Variants in BANP observed in about 807,000 individuals in gnomAD.
The protein encoded by BANP is protein BANP.
A neutral mutation model predicts 68.1 loss-of-function variants in BANP; 11 were observed. The ratio of observed to expected loss-of-function variants is 0.16; its 90% CI spans 0.10 to 0.27. BANP has a LOEUF of 0.27. Among genes scored for constraint, BANP ranks in the 10% least tolerant of loss-of-function variants. BANP has a pLI of 1.00. For synonymous variants in BANP, 329 were observed against 303.2 expected, an observed-to-expected ratio of 1.09 and a Z score of -0.88; for missense variants, 504 against 722.7, an observed-to-expected ratio of 0.70 and a Z score of 3.47.
chr16:87,961,659 A>G (rs1597769019), intron 1 of BANP, among the ~76,000 whole-genome samples: 3 of 152,196 alleles, frequency 2.0e-5, no homozygotes, highest in South Asian at 2.1e-4. Flanking sequence ...TTCATAAAAC[A>G]TGTTTTGTAT....
chr16:88,032,863 T>G (rs1195395964), intron 8 of BANP, among the ~76,000 whole-genome samples: 1 of 152,126 alleles, frequency 6.6e-6, no homozygotes, highest in Non-Finnish European at 1.5e-5. Context: ...TAGAAGGGGT[T>G]TTGTCATAGC....
At chr16:88,065,123 T>C in intron 11 of BANP, 144 bp from the exon 12 acceptor site, 3 of 524,088 alleles carry the variant, frequency 5.7e-6, no homozygotes, top group Non-Finnish European at 1.0e-5. Flanking sequence ...TGGAGGCTCC[T>C]GTGGCTGCCA....
At chr16:88,069,313 C>G (rs892684664) in intron 12 of BANP, among the ~76,000 whole-genome samples, 5 of 152,130 alleles carry the variant, frequency 3.3e-5, no homozygotes, top group African/African-American at 1.2e-4. Flanking sequence ...TTTCTTTTTT[C>G]TTTTCCACTG....
At position 87,989,437 on chromosome 16, in the gene BANP, G is replaced by A. The variant is rs375454539; in HGVS notation, c.362+5178G>A. ...GGATCCAGGGCACGCACATGCTCAC[G>A]TTTATATAGGTAAATGTTAACATCC... On this transcript the variant is annotated intron_variant, in intron 4 of 13. Transcript: ENST00000682872. Among the ~76,000 whole-genome samples the A allele has an allele frequency of 7.2e-5, 11 of 152,246 alleles. No individual in the cohort carries two copies. In the East Asian group the frequency reaches 9.6e-4, roughly 13 times the overall value.
At chr16:87,966,202 G>C (rs776762030) in intron 1 of BANP, among the ~76,000 whole-genome samples, 1 of 152,146 alleles carries the variant, frequency 6.6e-6, no homozygotes, top group Non-Finnish European at 1.5e-5. Context: ...GGATGGGCGT[G>C]GATTCTTCAC....
intron 6 of BANP, among the ~76,000 whole-genome samples, chr16:88,010,769 C>T (rs542602543): frequency 1.3e-3 from 199 of 152,380 alleles, no homozygotes; most frequent in Non-Finnish European, 1.9e-3. Flanking sequence ...CGTGTAGCCA[C>T]GCTATGCTGT....
At chr16:88,053,893 C>A (rs1247557919) in intron 11 of BANP, among the ~76,000 whole-genome samples, 222 of 52,532 alleles carry the variant, frequency 4.2e-3, no homozygotes, top group South Asian at 9.8e-3. Flanking sequence ...CAACACAGTC[C>A]CCTTCACCAC....
chr16:88,044,174 G>T (rs367680721), intron 11 of BANP, among the ~76,000 whole-genome samples: 3 of 152,268 alleles, frequency 2.0e-5, no homozygotes, highest in Admixed American at 6.5e-5. Flanking sequence ...CTGCGGCGAT[G>T]CTGCCTCTGG....
At chr16:88,029,640 A>T (rs1477553093) in intron 8 of BANP, among the ~76,000 whole-genome samples, 4 of 149,550 alleles carry the variant, frequency 2.7e-5, no homozygotes, top group African/African-American at 9.8e-5. Context: ...CAAGGAGAGG[A>T]GGTTTCTGTC....
At chr16:87,971,387 G>T (rs1002016368) in intron 1 of BANP, among the ~76,000 whole-genome samples, 8 of 152,306 alleles carry the variant, frequency 5.3e-5, no homozygotes, top group African/African-American at 1.9e-4. Flanking sequence ...GAATTTTTGG[G>T]AATACTGTTC....
intron 7 of BANP, among the ~76,000 whole-genome samples, chr16:88,020,788 C>T (rs534727078): frequency 1.2e-4 from 19 of 152,244 alleles, no homozygotes; most frequent in South Asian, 8.3e-4. Context: ...GCCTTGGAGA[C>T]GGTGCCTTGG....
chr16:87,984,244 G>A lies in BANP; in HGVS notation c.347G>A (p.Cys116Tyr), dbSNP rs1235464443. The A allele has an allele frequency of 3.8e-6, 6 of 1,589,790 alleles. No homozygotes were observed. Among genetic ancestry groups the A allele is most frequent in the African/African-American group, 1.3e-5 (1 of 74,174 alleles). ...AGSPLGATQT[C>Y]NKVRCVVPQT... ...TCCCCTCTCGGGGCAACCCAGACGT[G>A]CAACAAAGTGCGATGGTAAGAACAG... The change falls in exon 4 of 14, where the codon TGC (cysteine) becomes TAC (tyrosine). Residue 116 changes from cysteine to tyrosine, a missense_variant. Cys to Tyr is a radical substitution (Grantham distance 194). Transcript: ENST00000682872.
rs888240039 is a variant in BANP at position 88,034,365 on chromosome 16, C to G, written c.1201-958C>G. Among the ~76,000 whole-genome samples, 3 of 152,142 alleles carry G rather than the reference C, an allele frequency of 2.0e-5. 1 individual carries two copies. On this transcript the variant is annotated intron_variant, in intron 9 of 13. Coordinates refer to ENST00000682872, the MANE Select transcript of BANP (RefSeq NM_001386991.1). ...ATTCTACAGGAGTTTATTTTAAGAT[C>G]CATTTCGACTAAGAGAGAATTTCAA...
At chr16:88,035,582 C>G (rs963664434) in intron 10 of BANP, among the ~76,000 whole-genome samples, 188 bp downstream of exon 10, 2 of 152,222 alleles carry the variant, frequency 1.3e-5, no homozygotes, top group East Asian at 1.9e-4. Flanking sequence ...TCTGCCTCCC[C>G]CTCCTGTCCG....
At position 88,018,324 on chromosome 16, in the gene BANP, C is replaced by T. The variant is rs1389165408; in HGVS notation, c.656-104C>T. The stretch of plus-strand genomic sequence containing the variant: ...GTTACGAGGGATTTGCCCAGCCCTG[C>T]GTGGAGCATCTTTCCCGACTGTGCC... On this transcript the variant is annotated intron_variant, in intron 6 of 13. Transcript: ENST00000682872. This position sits in a 1 kb window ranked among gnomAD's most constrained non-coding sequence, Gnocchi z 7.7. 2.8e-6 allele frequency: 4 copies of T among 1,415,960 alleles called. No homozygotes were observed. Among genetic ancestry groups the T allele is most frequent in the Non-Finnish European group, 3.8e-6 (4 of 1,039,934 alleles). The allele number at this position is 1,415,960 out of a possible 1,614,324, so 87.7% of individuals were successfully genotyped here.
chr16:87,954,139 A>G (rs932990998), intron 1 of BANP, among the ~76,000 whole-genome samples: 1 of 143,446 alleles, frequency 7.0e-6, no homozygotes, highest in African/African-American at 2.6e-5. Flanking sequence ...TTTGTGATGG[A>G]CGTTCTAGGT....
chr16:88,051,948 A>G (rs191137643), intron 11 of BANP, among the ~76,000 whole-genome samples: 2 of 152,306 alleles, frequency 1.3e-5, no homozygotes, highest in Non-Finnish European at 2.9e-5. Flanking sequence ...GTGAAGACCT[A>G]AACATTTCCT....
At chr16:88,042,270 G>C (rs2081004612) in intron 11 of BANP, among the ~76,000 whole-genome samples, 1 of 152,258 alleles carries the variant, frequency 6.6e-6, no homozygotes, top group Admixed American at 6.5e-5. Flanking sequence ...TTCATAAAGA[G>C]CCATTTGGGA....
chr16:88,073,683 C>G (rs2152927401), intron 13 of BANP, among the ~76,000 whole-genome samples: 1 of 152,338 alleles, frequency 6.6e-6, no homozygotes, highest in South Asian at 2.1e-4. Flanking sequence ...GTGGCAGCCC[C>G]CCGTGCCGTT....
Sources: gnomAD v4.1 joint callset for allele counts (sites outside exome capture counted in the v4.1 genomes callset) on GRCh38, gnomAD v4.1.1 for gene constraint, Gnocchi (gnomAD v3.1) non-coding constraint, MANE v1.5 for transcripts, NCBI Gene and HGNC (gene_info 2026-07-23, HGNC 2026-07-21) for gene names.